Variants in SPTBN1 observed in about 807,000 individuals in gnomAD.
SPTBN1 encodes spectrin beta chain, non-erythrocytic 1.
A neutral mutation model predicts 266.4 loss-of-function variants in SPTBN1; 32 were observed. That is an observed-to-expected ratio of 0.12 (90% CI 0.09 to 0.16). SPTBN1 has a LOEUF of 0.16. Among genes scored for constraint, SPTBN1 ranks in the 10% least tolerant of loss-of-function variants. The probability of loss-of-function intolerance (pLI) is 1.00; values close to 1 mark genes in which losing one functional copy is unlikely to be tolerated. For missense variants in SPTBN1, 2,296 were observed against 3,067.1 expected (o/e 0.75, Z 5.94); for synonymous variants, 1,336 against 1,162.2 (o/e 1.15, Z -3.04).
At chr2:54,667,110 A>G (rs1279927744) in intron 34 of SPTBN1, among the ~76,000 whole-genome samples, 2 of 152,210 alleles carry the variant, frequency 1.3e-5, no homozygotes, top group African/African-American at 2.4e-5. Context: ...TCCCAGTGTC[A>G]CACTAATAGG....
chr2:54,617,335 G>A (rs1677673928), intron 5 of SPTBN1, among the ~76,000 whole-genome samples: 1 of 152,192 alleles, frequency 6.6e-6, no homozygotes, highest in Non-Finnish European at 1.5e-5. Context: ...TTTTTCCTAA[G>A]TAAGAGTAGT....
intron 1 of SPTBN1, among the ~76,000 whole-genome samples, chr2:54,465,635 ATC>A (rs71845777): frequency 0.034 from 1,483 of 43,688 alleles, 54 homozygotes; most frequent in East Asian, 0.22. Flanking sequence ...TATCATGTTT[ATC>A]TCATATATAT....
At chr2:54,593,823 CTTTTT>C (rs374877354) in intron 2 of SPTBN1, among the ~76,000 whole-genome samples, 7 of 64,782 alleles carry the variant, frequency 1.1e-4, no homozygotes, top group East Asian at 5.4e-4. Context: ...CATGGAAACA[CTTTTT>C]TTTTTTTTTT....
rs559964347 is a variant in SPTBN1 at position 54,591,264 on chromosome 2, T to C, written c.149-7828T>C. On this transcript the variant is annotated intron_variant, in intron 2 of 35. Transcript: ENST00000356805. ...AGATTAGTCAGCTAACACAGTATTA[T>C]TGATTTAAATAGTGGGGATATGTTC... is the stretch of plus-strand genomic sequence containing the variant. 2.6e-5 allele frequency among the ~76,000 whole-genome samples: 4 copies of C among 152,324 alleles called. No homozygotes were observed. In the South Asian group the frequency reaches 6.2e-4, roughly 24 times the overall value.
At chr2:54,474,552 A>G (rs531625168) in intron 1 of SPTBN1, among the ~76,000 whole-genome samples, 28 of 152,318 alleles carry the variant, frequency 1.8e-4, no homozygotes, top group Admixed American at 9.8e-4. Flanking sequence ...CAGTTAGACT[A>G]GTGCCTGGAA....
At chr2:54,477,779 C>T (rs568923686) in intron 1 of SPTBN1, among the ~76,000 whole-genome samples, 460 of 152,132 alleles carry the variant, frequency 3.0e-3, no homozygotes, top group Middle Eastern at 0.014. Flanking sequence ...GGCATGGTGG[C>T]GGGTGCCCGT....
At chr2:54,470,882 T>C (rs1693885411) in intron 1 of SPTBN1, among the ~76,000 whole-genome samples, 1 of 152,232 alleles carries the variant, frequency 6.6e-6, no homozygotes, top group South Asian at 2.1e-4. Context: ...AACAATCTTG[T>C]CCAACCTACA....
intron 1 of SPTBN1, among the ~76,000 whole-genome samples, chr2:54,465,965 G>A (rs1415147320): frequency 6.6e-6 from 1 of 152,112 alleles, no homozygotes; most frequent in Non-Finnish European, 1.5e-5. Context: ...TTAACTGAGT[G>A]GTTGTTTGAA....
intron 2 of SPTBN1, among the ~76,000 whole-genome samples, chr2:54,566,830 CA>C (rs985868093): frequency 1.4e-4 from 20 of 142,780 alleles, no homozygotes; most frequent in Admixed American, 1.4e-4. Context: ...GACTCCATCT[CA>C]AAAAAAAAAA....
chr2:54,546,002 C>T (rs1672215480), intron 2 of SPTBN1, among the ~76,000 whole-genome samples: 1 of 152,134 alleles, frequency 6.6e-6, no homozygotes, highest in African/African-American at 2.4e-5. Flanking sequence ...GACCTAGTCT[C>T]TTGTTAATTT....
intron 1 of SPTBN1, among the ~76,000 whole-genome samples, chr2:54,500,925 C>T (rs929514775): frequency 6.6e-6 from 1 of 152,184 alleles, no homozygotes; most frequent in Non-Finnish European, 1.5e-5. Context: ...CAGTGATGTG[C>T]AGCCAAGAAC....
chr2:54,485,560 G>A (rs1381647041), intron 1 of SPTBN1, among the ~76,000 whole-genome samples: 2 of 152,190 alleles, frequency 1.3e-5, no homozygotes, highest in East Asian at 1.9e-4. Context: ...CCTCCCAGCC[G>A]CCTGCCTTGG....
intron 1 of SPTBN1, among the ~76,000 whole-genome samples, chr2:54,525,846 C>A (rs944707380): frequency 6.6e-6 from 1 of 152,200 alleles, no homozygotes; most frequent in Non-Finnish European, 1.5e-5. Flanking sequence ...TTCTCCCTGC[C>A]TCAGCCACCC....
At chr2:54,499,451 A>G (rs1230609778) in intron 1 of SPTBN1, among the ~76,000 whole-genome samples, 1 of 152,208 alleles carries the variant, frequency 6.6e-6, no homozygotes, top group African/African-American at 2.4e-5. Flanking sequence ...TTTGACAAGA[A>G]ATGGACATAA....
chr2:54,648,847 C>T (rs995971433), intron 24 of SPTBN1, 139 bp from the exon 25 acceptor site: 47 of 809,768 alleles, frequency 5.8e-5, no homozygotes, highest in Non-Finnish European at 8.7e-5. Context: ...ATTTTTCATG[C>T]TAAGTGGGTT....
intron 2 of SPTBN1, among the ~76,000 whole-genome samples, chr2:54,584,572 TC>T (rs1339507905): frequency 6.6e-6 from 1 of 152,194 alleles, no homozygotes; most frequent in Non-Finnish European, 1.5e-5. Context: ...TAGTTTATTT[TC>T]CCCTACTTCC....
intron 1 of SPTBN1, among the ~76,000 whole-genome samples, chr2:54,493,746 G>GT (rs757805281): frequency 2.0e-5 from 3 of 152,208 alleles, no homozygotes; most frequent in Non-Finnish European, 4.4e-5. Context: ...GAAGAAGAGG[G>GT]TCCAAGACTA....
chr2:54,664,841 G>T lies in SPTBN1; in HGVS notation c.6659+150G>T. On this transcript the variant is annotated intron_variant, in intron 33 of 35. Coordinates refer to ENST00000356805, the MANE Select transcript of SPTBN1 (RefSeq NM_003128.3). The surrounding 1 kb of genome is among the most constrained non-coding windows in gnomAD (Gnocchi z 5.6). ...GACATTGCATTCTTCTTGGGCTGAC[G>T]CTGGAAAGCAGGAGTAGAATGCTGG... 1.3e-6 allele frequency: 1 copy of T among 795,320 alleles called. No homozygotes were observed. The highest frequency in any genetic ancestry group is 1.9e-6 in the Non-Finnish European group (1 of 514,900). 49.3% of individuals were successfully genotyped at this position (795,320 alleles called of 1,614,324 possible). A position where few individuals can be genotyped will look rare whatever the true frequency, so the allele number is the denominator to read the frequency against.
At chr2:54,621,948 G>A (rs1678017631) in intron 8 of SPTBN1, among the ~76,000 whole-genome samples, 2 of 152,102 alleles carry the variant, frequency 1.3e-5, no homozygotes, top group African/African-American at 2.4e-5. Flanking sequence ...AAATTAATGG[G>A]CATTTATGGG....
Sources: gnomAD v4.1 joint callset for allele counts (sites outside exome capture counted in the v4.1 genomes callset) on GRCh38, gnomAD v4.1.1 for gene constraint, Gnocchi (gnomAD v3.1) non-coding constraint, MANE v1.5 for transcripts, NCBI Gene and HGNC (gene_info 2026-07-23, HGNC 2026-07-21) for gene names.